Variants in PPCDC observed in about 807,000 individuals in gnomAD.
PPCDC encodes phosphopantothenoylcysteine decarboxylase.
In PPCDC, 20 loss-of-function variants were observed where a neutral mutation model predicts 20.7. The observed-to-expected ratio is 0.97, with a 90% confidence interval of 0.68 to 1.41. PPCDC has a LOEUF of 1.41. Among genes scored for constraint, PPCDC ranks in the 40% most tolerant of loss-of-function variants. The pLI, the probability that PPCDC is intolerant of heterozygous loss-of-function variation, is 0.00. For missense variants in PPCDC, 246 were observed against 263.8 expected (o/e 0.93, Z 0.47); for synonymous variants, 88 against 100.3 (o/e 0.88, Z 0.73).
intron 2 of PPCDC, among the ~76,000 whole-genome samples, chr15:75,031,903 G>A (rs1232521148): frequency 6.6e-6 from 1 of 151,902 alleles, no homozygotes; most frequent in Non-Finnish European, 1.5e-5. Flanking sequence ...AGGGTGAGGG[G>A]AGGAATTATA....
chr15:75,026,951 T>C (rs1216024004), intron 1 of PPCDC, among the ~76,000 whole-genome samples: 2 of 152,136 alleles, frequency 1.3e-5, no homozygotes, highest in African/African-American at 4.8e-5. Context: ...GGGCTTCTGC[T>C]TCACAGGCTA....
In PPCDC at chr15:75,028,168, C is replaced by T. The variant is rs2065979094; in HGVS notation, c.-72-79C>T. Reference sequence around the variant, plus strand: ...TCCCTTCCGCTGCCTCAGCCTCTGGCCTGGGGCCTAATACGTGGTGCTCCA... The same window carrying T: ...TCCCTTCCGCTGCCTCAGCCTCTGGTCTGGGGCCTAATACGTGGTGCTCCA... On this transcript the variant is annotated intron_variant, in intron 1 of 5. Coordinates refer to ENST00000342932, the MANE Select transcript of PPCDC (RefSeq NM_021823.5). 2.0e-5 allele frequency: 21 copies of T among 1,050,832 alleles called. No homozygotes were observed. The South Asian group carries it at 3.5e-4, about 17-fold the overall frequency. 65.1% of individuals were successfully genotyped at this position (1,050,832 alleles called of 1,614,324 possible). A position where few individuals can be genotyped will look rare whatever the true frequency, so the allele number is the denominator to read the frequency against.
In PPCDC at chr15:75,028,293, C is replaced by T. The variant is rs1352341289; in HGVS notation, c.-26C>T. ...ATAGAGCCCAGGCCTGGCAGGCTCC[C>T]AGAACTTGAAGCCACCAGACCCCAC... On this transcript the variant is annotated 5_prime_UTR_variant, in exon 2 of 6. Coordinates refer to ENST00000342932, the MANE Select transcript of PPCDC (RefSeq NM_021823.5). 6.2e-7 allele frequency: 1 copy of T among 1,611,090 alleles called. No homozygotes were observed. The highest frequency in any genetic ancestry group is 8.5e-7 in the Non-Finnish European group (1 of 1,179,188).
chr15:75,044,320 A>G, intron 3 of PPCDC, 66 bp from the exon 4 acceptor site: 1 of 1,591,358 alleles, frequency 6.3e-7, no homozygotes, highest in Non-Finnish European at 8.6e-7. Flanking sequence ...GACTTACCGT[A>G]CCTGGCCTGC....
At chr15:75,026,636 C>T (rs1024749735) in intron 1 of PPCDC, among the ~76,000 whole-genome samples, 84 of 152,304 alleles carry the variant, frequency 5.5e-4, no homozygotes, top group Middle Eastern at 3.4e-3. Flanking sequence ...GAGATAGGCC[C>T]CTGTGGATGC....
intron 2 of PPCDC, among the ~76,000 whole-genome samples, chr15:75,042,150 G>T (rs1421439060): frequency 6.6e-6 from 1 of 152,222 alleles, no homozygotes; most frequent in African/African-American, 2.4e-5. Context: ...GTCTGGCCCA[G>T]ACATGGCCCA....
rs2066200428 is a variant in PPCDC, at chr15:75,044,443, C to G, written c.289C>G (p.Leu97Val). Residue 97 changes from leucine (L) to valine (V), a missense_variant, in exon 4 of 6, where the codon CTC (leucine) becomes GTC (valine). This residue lies in a region of PPCDC where 225 missense variants were observed against 222.6 expected (regional missense o/e 1.01). Coordinates refer to ENST00000342932, the MANE Select transcript of PPCDC (RefSeq NM_021823.5). ...CATTGACCTGCGGAGGTGGGCAGAC[C>G]TCCTGCTGGTGGCTCCTCTTGATGC... ...LHIDLRRWADLLLVAPLDANT... is the reference protein window; with the variant it reads ...LHIDLRRWADVLLVAPLDANT... 7.4e-6 allele frequency: 12 copies of G among 1,614,206 alleles called. No individual in the cohort carries two copies. Among genetic ancestry groups the G allele is most frequent in the Non-Finnish European group, 9.3e-6 (11 of 1,180,010 alleles).
At chr15:75,026,976 G>A (rs1271553354) in intron 1 of PPCDC, among the ~76,000 whole-genome samples, 2 of 152,104 alleles carry the variant, frequency 1.3e-5, no homozygotes, top group Non-Finnish European at 2.9e-5. Context: ...TCTGTCTTCT[G>A]CTCACACTGC....
Position 75,028,402 on chromosome 15 carries a change from C to G in PPCDC, c.84C>G (p.Val28=), listed in dbSNP as rs141563404. The G allele has an allele frequency of 1.2e-6, 2 of 1,614,080 alleles. No individual in the cohort carries two copies. Among genetic ancestry groups the G allele is most frequent in the Non-Finnish European group, 1.7e-6 (2 of 1,180,040 alleles). Residue 28 remains valine, a synonymous_variant, in exon 2 of 6, where the codon GTC becomes GTG. Coordinates refer to ENST00000342932, the MANE Select transcript of PPCDC (RefSeq NM_021823.5). ...FHVLVGVTGS[V]AALKLPLLVS... ...TTCTTGTGGGTGTCACGGGGAGTGT[C>G]GCAGCCCTGAAGTTGCCTCTTCTGG... is the stretch of plus-strand genomic sequence containing the variant.
intron 3 of PPCDC, chr15:75,043,750 C>T (rs1177025178): frequency 1.8e-6 from 1 of 563,548 alleles, no homozygotes; most frequent in Admixed American, 3.1e-5. Context: ...CAGAGCTGGG[C>T]TTTGGCCTGG....
At chr15:75,033,675 G>T (rs1158570552) in intron 2 of PPCDC, among the ~76,000 whole-genome samples, 2 of 151,864 alleles carry the variant, frequency 1.3e-5, no homozygotes, top group South Asian at 2.1e-4. Flanking sequence ...TTTCTGGGTG[G>T]GGGCCACCTG....
At position 75,049,673 on chromosome 15, in the gene PPCDC, A is replaced by T. The variant is rs1184106025; in HGVS notation, c.*438A>T. On this transcript the variant is annotated 3_prime_UTR_variant, in exon 6 of 6. Coordinates refer to ENST00000342932, the MANE Select transcript of PPCDC (RefSeq NM_021823.5). ...TCAGCGAAGCCTGCGAGTTGGCAGG[A>T]CTCTGAGGTTTCCTGCAGACCATGC... The T allele has an allele frequency of 1.8e-5, 3 of 165,590 alleles. No individual in the cohort carries two copies. The highest frequency in any genetic ancestry group is 3.9e-5 in the Non-Finnish European group (3 of 76,606). The allele number at this position is 165,590 out of a possible 1,614,324, so 10.3% of individuals were successfully genotyped here.
chr15:75,042,421 CG>C (rs1427807284), intron 2 of PPCDC, among the ~76,000 whole-genome samples: 23 of 152,094 alleles, frequency 1.5e-4, no homozygotes, highest in Admixed American at 8.5e-4. Flanking sequence ...GAGACTGGGG[CG>C]GGTGGATCAC....
chr15:75,047,347 C>G (rs566408444), intron 4 of PPCDC, among the ~76,000 whole-genome samples: 2 of 152,190 alleles, frequency 1.3e-5, no homozygotes, highest in African/African-American at 4.8e-5. Context: ...GTGGCTGATG[C>G]AAGCAGCCAG....
At chr15:75,025,777 G>C (rs1265026328) in intron 1 of PPCDC, among the ~76,000 whole-genome samples, 1 of 152,180 alleles carries the variant, frequency 6.6e-6, no homozygotes, top group Non-Finnish European at 1.5e-5. Context: ...TACAGTAATA[G>C]ACTTACTGGT....
In PPCDC at chr15:75,042,537, C is replaced by T. The variant is rs565281299; in HGVS notation, c.136-904C>T. ...GCGTGGTGGTGTGCACCTGTAATCC[C>T]AGCTACTCGGGAGGCTGAGGCAGGA... is the stretch of plus-strand genomic sequence containing the variant. On this transcript the variant is annotated intron_variant, in intron 2 of 5. Coordinates refer to ENST00000342932, the MANE Select transcript of PPCDC (RefSeq NM_021823.5). Among the ~76,000 whole-genome samples, 438 of 151,774 alleles carry T rather than the reference C, an allele frequency of 2.9e-3. 2 individuals are homozygous for T. Among genetic ancestry groups the T allele is most frequent in the African/African-American group, 0.01 (422 of 41,306 alleles).
chr15:75,033,808 C>T (rs1297819483), intron 2 of PPCDC, among the ~76,000 whole-genome samples: 8 of 152,090 alleles, frequency 5.3e-5, no homozygotes, highest in Admixed American at 3.3e-4. Context: ...AGAGCTCTGT[C>T]GGCCTCTGGG....
In PPCDC at chr15:75,048,462, C is replaced by CA. The variant is rs1297969286; in HGVS notation, c.361-90dup. ...GCTGTGCCCAGTCATCTCAAGCCTACAGCTGGGCTGCTGGCTGCAGGGTCT... is the reference window on the plus strand; with the variant it reads ...GCTGTGCCCAGTCATCTCAAGCCTACAAGCTGGGCTGCTGGCTGCAGGGTCT... On this transcript the variant is annotated intron_variant, in intron 4 of 5. Coordinates refer to ENST00000342932, the MANE Select transcript of PPCDC (RefSeq NM_021823.5). The CA allele has an allele frequency of 3.9e-5, 59 of 1,523,438 alleles. No homozygotes were observed. In the South Asian group the frequency reaches 5.2e-4, roughly 13 times the overall value. 94.4% of individuals were successfully genotyped at this position (1,523,438 alleles called of 1,614,324 possible).
intron 2 of PPCDC, among the ~76,000 whole-genome samples, chr15:75,039,021 A>T (rs966788840): frequency 6.6e-6 from 1 of 151,856 alleles, no homozygotes; most frequent in South Asian, 2.1e-4. Context: ...GTAGTCTCTC[A>T]TCTTTAAGTT....
Sources: allele counts gnomAD v4.1 joint callset (sites outside exome capture counted in the v4.1 genomes callset), GRCh38; gene constraint gnomAD v4.1.1; regional missense constraint gnomAD v4.1.1; transcripts MANE v1.5; gene names NCBI Gene and HGNC (gene_info 2026-07-23, HGNC 2026-07-21).